ANKMY1: variants seen among roughly 807,000 people sequenced by gnomAD.
ANKMY1 encodes the protein ankyrin repeat and MYND domain-containing protein 1.
ANKMY1 carries 98 observed loss-of-function variants against 102.0 expected under a neutral mutation model. That is an observed-to-expected ratio of 0.96 (90% CI 0.82 to 1.14). The LOEUF (loss-of-function observed/expected upper bound fraction) is 1.14, where lower values mean the gene tolerates loss of function less well. Ranked by LOEUF, ANKMY1 falls within the 50% of genes most tolerant of loss-of-function variation. ANKMY1 has a pLI of 0.00. For synonymous variants in ANKMY1, 582 were observed against 559.9 expected, an observed-to-expected ratio of 1.04 and a Z score of -0.56; for missense variants, 1,330 against 1,347.6, an observed-to-expected ratio of 0.99 and a Z score of 0.20.
At chr2:240,468,766 C>G in the ANKMY1 span, among the ~76,000 whole-genome samples, 2 of 152,222 alleles carry the variant, frequency 1.3e-5, no homozygotes, top group African/African-American at 4.8e-5. Flanking sequence ...CCTCCAGGCC[C>G]CTTGTGAGCG....
intron 8 of ANKMY1, chr2:240,523,644 A>T: frequency 1.6e-6 from 1 of 625,052 alleles, no homozygotes; most frequent in South Asian, 2.0e-5. Flanking sequence ...TACTGAAAAC[A>T]GCCCGTCACC....
At chr2:240,557,798 G>T in intron 1 of ANKMY1, 83 bp downstream of exon 1, 1 of 890,084 alleles carries the variant, frequency 1.1e-6, no homozygotes, top group Non-Finnish European at 1.3e-6. Context: ...CCGCGAGCCT[G>T]GCGCCCCCCC....
intron 2 of ANKMY1, 62 bp from the exon 3 acceptor site, chr2:240,555,117 T>TGAGCACAACCCCC: frequency 6.5e-7 from 1 of 1,541,390 alleles, no homozygotes; most frequent in Non-Finnish European, 8.9e-7. Flanking sequence ...CAGTGACTGC[T>TGAGCACAACCCCC]GAGCACAACC....
intron 15 of ANKMY1, among the ~76,000 whole-genome samples, chr2:240,484,155 G>A (rs2075770178): frequency 6.6e-6 from 1 of 152,202 alleles, no homozygotes; most frequent in South Asian, 2.1e-4. Context: ...ATGTGTACAT[G>A]TGTCTTTATA....
At chr2:240,473,561 AAT>A in the ANKMY1 span, among the ~76,000 whole-genome samples, 2 of 152,152 alleles carry the variant, frequency 1.3e-5, no homozygotes, top group Non-Finnish European at 2.9e-5. Context: ...CAAGAAAATA[AAT>A]ATGTGAATTA....
At chr2:240,557,461 C>T in intron 1 of ANKMY1, 109 bp from the exon 2 acceptor site, 1 of 1,289,670 alleles carries the variant, frequency 7.8e-7, no homozygotes, top group Non-Finnish European at 1.0e-6. Flanking sequence ...ACCCAAGCCC[C>T]TCCCTGAACC....
In ANKMY1 at chr2:240,520,370, G is replaced by C; in HGVS notation, c.1996C>G (p.Pro666Ala). The part of the protein sequence containing the change: ...EHGARTDICF[P>A]PQLSTLTPLH... Reference sequence around the variant, plus strand: ...CCCGCCGCGGCTCCTACCTGCGGCGGAAAGCAGATGTCGGTCCTCGCCCCG... The same window carrying C: ...CCCGCCGCGGCTCCTACCTGCGGCGCAAAGCAGATGTCGGTCCTCGCCCCG... The change falls in exon 9 of 18, where the codon CCG becomes GCG. Residue 666 changes from proline to alanine, a missense_variant. Transcript: ENST00000401804. The surrounding 1 kb of genome is among the most constrained non-coding windows in gnomAD (Gnocchi z 4.8). The C allele has an allele frequency of 2.6e-6, 4 of 1,554,610 alleles. No individual in the cohort carries two copies. The highest frequency in any genetic ancestry group is 1.7e-4 in the Middle Eastern group (1 of 5,928).
chr2:240,530,201 C>T (rs1694223111), intron 4 of ANKMY1, among the ~76,000 whole-genome samples: 1 of 152,184 alleles, frequency 6.6e-6, no homozygotes, highest in Non-Finnish European at 1.5e-5. Context: ...TGCCAGGTGC[C>T]CAGGGGAGGG....
At chr2:240,538,179 G>A (rs73105972) in intron 4 of ANKMY1, among the ~76,000 whole-genome samples, 17,526 of 152,262 alleles carry the variant, frequency 0.12, 1,145 homozygotes, top group Middle Eastern at 0.17. Context: ...CGCTCCCGCC[G>A]CGCTTGAGGG....
At chr2:240,547,040 C>T (rs1313795611) in intron 4 of ANKMY1, among the ~76,000 whole-genome samples, 1 of 152,166 alleles carries the variant, frequency 6.6e-6, no homozygotes, top group African/African-American at 2.4e-5. Context: ...CTCTCCACCC[C>T]AAATCAACAG....
At chr2:240,515,154 A>G (rs2080943406) in intron 9 of ANKMY1, among the ~76,000 whole-genome samples, 1 of 152,248 alleles carries the variant, frequency 6.6e-6, no homozygotes. Context: ...AATTAACATT[A>G]ATATCAAAAG....
At position 240,529,399 on chromosome 2, in the gene ANKMY1, C is replaced by G. The variant is rs1185370144; in HGVS notation, c.591G>C (p.Gln197His). ...FREQLIKLCTQIPSGFSLLRY... is the reference protein window; with the variant it reads ...FREQLIKLCTHIPSGFSLLRY... ...TGAGGAGGGAGAAGCCACTGGGGAT[C>G]TGGGTGCACAGCTTGATGAGCTGCT... The change falls in exon 5 of 18, where the codon CAG becomes CAC. Residue 197 changes from glutamine to histidine, a missense_variant. Gln to His is a conservative substitution (Grantham distance 24). Coordinates refer to ENST00000401804, the MANE Select transcript of ANKMY1 (RefSeq NM_001282771.3). The surrounding 1 kb of genome is among the most constrained non-coding windows in gnomAD (Gnocchi z 4.2). The G allele has an allele frequency of 1.2e-6, 2 of 1,614,148 alleles. No homozygotes were observed. Among genetic ancestry groups the G allele is most frequent in the Non-Finnish European group, 1.7e-6 (2 of 1,180,028 alleles).
At chr2:240,527,891 C>G (rs1213215760) in intron 5 of ANKMY1, 1 of 151,774 alleles carries the variant, frequency 6.6e-6, no homozygotes, top group Non-Finnish European at 1.5e-5. Flanking sequence ...GAAAAAGCAG[C>G]CACTTATTCT....
chr2:240,545,700 C>G (rs924063571), intron 4 of ANKMY1, among the ~76,000 whole-genome samples: 3 of 152,064 alleles, frequency 2.0e-5, no homozygotes, highest in Non-Finnish European at 4.4e-5. Context: ...GGCTCGAGAA[C>G]TACGTGAAGA....
At chr2:240,472,059 C>T in the ANKMY1 span, among the ~76,000 whole-genome samples, 2 of 151,884 alleles carry the variant, frequency 1.3e-5, no homozygotes, top group Non-Finnish European at 2.9e-5. Context: ...TTCCCAAGGA[C>T]GTGCTGGGAG....
intron 9 of ANKMY1, among the ~76,000 whole-genome samples, chr2:240,516,731 T>A (rs1322707387): frequency 1.3e-5 from 2 of 152,236 alleles, no homozygotes; most frequent in Admixed American, 6.5e-5. Flanking sequence ...ATTGAATGCA[T>A]GTTTCTGATA....
At chr2:240,494,038 G>A (rs1159880961) in intron 15 of ANKMY1, among the ~76,000 whole-genome samples, 4 of 152,178 alleles carry the variant, frequency 2.6e-5, no homozygotes, top group African/African-American at 9.7e-5. Context: ...TGGCAGGTAG[G>A]TGCCAGCTGA....
intron 13 of ANKMY1, among the ~76,000 whole-genome samples, chr2:240,505,298 C>T (rs947234892): frequency 2.0e-5 from 3 of 151,898 alleles, no homozygotes; most frequent in Non-Finnish European, 4.4e-5. Context: ...CCCGTCTCTA[C>T]TAAAAATATA....
At chr2:240,479,986 T>C (rs1574843371) in intron 17 of ANKMY1, among the ~76,000 whole-genome samples, 1 of 151,876 alleles carries the variant, frequency 6.6e-6, no homozygotes, top group South Asian at 2.1e-4. Flanking sequence ...CCGAGGTGGG[T>C]GGATCACCAG....
Sources: gnomAD v4.1 joint callset for allele counts (sites outside exome capture counted in the v4.1 genomes callset) on GRCh38, gnomAD v4.1.1 for gene constraint, Gnocchi (gnomAD v3.1) non-coding constraint, MANE v1.5 for transcripts, NCBI Gene and HGNC (gene_info 2026-07-23, HGNC 2026-07-21) for gene names.